Variants in IGF2BP3 observed in about 807,000 individuals in gnomAD.
IGF2BP3 encodes the protein insulin-like growth factor 2 mRNA-binding protein 3.
A neutral mutation model predicts 73.8 loss-of-function variants in IGF2BP3; 9 were observed. The observed-to-expected ratio is 0.12, with a 90% CI of 0.07 to 0.21. IGF2BP3 has a LOEUF of 0.21. IGF2BP3 is among the 10% of genes least tolerant of loss of function. IGF2BP3 has a pLI of 1.00. For synonymous variants in IGF2BP3, 258 were observed against 256.7 expected, an observed-to-expected ratio of 1.01 and a Z score of -0.05; for missense variants, 542 against 714.0, an observed-to-expected ratio of 0.76 and a Z score of 2.75.
chr7:23,364,195 G>A (rs547513775), intron 3 of IGF2BP3, among the ~76,000 whole-genome samples: 1 of 152,144 alleles, frequency 6.6e-6, no homozygotes, highest in African/African-American at 2.4e-5. Context: ...TCAACATGGT[G>A]AAGCCCCGTC....
intron 10 of IGF2BP3, among the ~76,000 whole-genome samples, chr7:23,337,162 C>T (rs1016612129): frequency 2.0e-5 from 3 of 151,826 alleles, no homozygotes; most frequent in Admixed American, 6.6e-5. Context: ...CTTGCAACCA[C>T]CCCCCACCCC....
chr7:23,441,460 C>A (rs551724917), intron 2 of IGF2BP3, among the ~76,000 whole-genome samples: 1 of 151,436 alleles, frequency 6.6e-6, no homozygotes, highest in South Asian at 2.1e-4. Flanking sequence ...GTAGTTCCAG[C>A]TACTTGGGAG....
At chr7:23,366,079 T>C (rs1040132779) in intron 3 of IGF2BP3, 2 of 152,128 alleles carry the variant, frequency 1.3e-5, no homozygotes, top group Non-Finnish European at 2.9e-5. Flanking sequence ...AAATTGCCTG[T>C]ATAGTTAAAT....
chr7:23,437,343 C>T lies in IGF2BP3; in HGVS notation c.237-18519G>A, dbSNP rs553288928. 2.1e-3 allele frequency among the ~76,000 whole-genome samples: 323 copies of T among 151,556 alleles called. 1 individual carries two copies. Among genetic ancestry groups the T allele is most frequent in the Non-Finnish European group, 1.7e-3 (114 of 67,932 alleles). ...ACTAAAAACACCAAAAGTAGCCAGG[C>T]ATGGTGGCAGGCACCTGTAATCCCA... On this transcript the variant is annotated intron_variant, in intron 2 of 14. Coordinates refer to ENST00000258729, the MANE Select transcript of IGF2BP3 (RefSeq NM_006547.3).
intron 2 of IGF2BP3, among the ~76,000 whole-genome samples, chr7:23,438,294 C>G (rs899170272): frequency 6.6e-6 from 1 of 151,996 alleles, no homozygotes; most frequent in Admixed American, 6.6e-5. Context: ...TTGTATTTTT[C>G]GTAAAGACGA....
At chr7:23,430,598 T>TA (rs1490472884) in intron 2 of IGF2BP3, among the ~76,000 whole-genome samples, 1 of 152,222 alleles carries the variant, frequency 6.6e-6, no homozygotes, top group Non-Finnish European at 1.5e-5. Flanking sequence ...GGCTATACTG[T>TA]AATTACACCT....
rs1253243327 is a variant in IGF2BP3, at chr7:23,456,490, A to C, written c.236+11992T>G. On this transcript the variant is annotated intron_variant, in intron 2 of 14. Coordinates refer to ENST00000258729, the MANE Select transcript of IGF2BP3 (RefSeq NM_006547.3). ...CAAAATTTAAGGTGCTAAGTACGGG[A>C]GAGCATGAGTCCTAGACATCTTAGC... Among the ~76,000 whole-genome samples the C allele has an allele frequency of 2.0e-5, 3 of 152,256 alleles. No individual in the cohort carries two copies. In the East Asian group the frequency reaches 5.8e-4, roughly 29 times the overall value.
At chr7:23,354,414 A>G (rs1785041558) in intron 5 of IGF2BP3, among the ~76,000 whole-genome samples, 1 of 152,266 alleles carries the variant, frequency 6.6e-6, no homozygotes, top group East Asian at 1.9e-4. Flanking sequence ...AGGCTTTTTC[A>G]TTATAAATGG....
Position 23,425,228 on chromosome 7 carries a change from T to C in IGF2BP3, c.237-6404A>G, listed in dbSNP as rs549451299. Among the ~76,000 whole-genome samples, 18 of 152,362 alleles carry C rather than the reference T, an allele frequency of 1.2e-4. No individual in the cohort carries two copies. The East Asian group carries it at 2.9e-3, about 24-fold the overall frequency. ...ATGCTGATATATAATCTTAGGTCTA[T>C]TTAATACAAGAGTTTCCCCTCACTG... On this transcript the variant is annotated intron_variant, in intron 2 of 14. Coordinates refer to ENST00000258729, the MANE Select transcript of IGF2BP3 (RefSeq NM_006547.3).
At chr7:23,317,831 A>G in intron 11 of IGF2BP3, 118 bp from the exon 12 acceptor site, 1 of 812,032 alleles carries the variant, frequency 1.2e-6, no homozygotes, top group Admixed American at 2.0e-5. Context: ...AGCCTTCGTG[A>G]AGGAAATTAG....
intron 2 of IGF2BP3, among the ~76,000 whole-genome samples, chr7:23,444,509 A>G (rs1788010701): frequency 6.6e-6 from 1 of 151,992 alleles, no homozygotes; most frequent in African/African-American, 2.4e-5. Flanking sequence ...GGGAGGCCAA[A>G]GCAAATGGAT....
chr7:23,418,059 AT>A (rs1178330065), intron 3 of IGF2BP3, among the ~76,000 whole-genome samples: 1 of 152,178 alleles, frequency 6.6e-6, no homozygotes, highest in African/African-American at 2.4e-5. Flanking sequence ...TTAGTGACTC[AT>A]CAAATGTCAT....
intron 2 of IGF2BP3, among the ~76,000 whole-genome samples, chr7:23,450,260 A>C (rs1394005257): frequency 1.3e-5 from 2 of 152,240 alleles, no homozygotes; most frequent in East Asian, 3.8e-4. Flanking sequence ...GGTTGTCTGC[A>C]CAAAAAGCAC....
intron 3 of IGF2BP3, among the ~76,000 whole-genome samples, chr7:23,403,103 A>C (rs1786717060): frequency 6.6e-6 from 1 of 152,192 alleles, no homozygotes; most frequent in African/African-American, 2.4e-5. Flanking sequence ...TGACCCTATA[A>C]CCTGACAAAA....
intron 2 of IGF2BP3, among the ~76,000 whole-genome samples, chr7:23,437,576 C>G (rs1787835480): frequency 6.6e-6 from 1 of 152,098 alleles, no homozygotes; most frequent in African/African-American, 2.4e-5. Context: ...TAAGACAATT[C>G]TGCACAATTC....
At chr7:23,375,753 C>T (rs767462492) in intron 3 of IGF2BP3, among the ~76,000 whole-genome samples, 13 of 152,056 alleles carry the variant, frequency 8.5e-5, no homozygotes, top group Non-Finnish European at 1.5e-4. Flanking sequence ...GGCATTTTAC[C>T]CACTACCCCT....
chr7:23,440,098 C>A (rs1202129140), intron 2 of IGF2BP3, among the ~76,000 whole-genome samples: 1 of 152,042 alleles, frequency 6.6e-6, no homozygotes, highest in African/African-American at 2.4e-5. Flanking sequence ...CCCGTCTCTA[C>A]TAAAAATACA....
chr7:23,377,523 T>C (rs1213004429), intron 3 of IGF2BP3, among the ~76,000 whole-genome samples: 1 of 152,226 alleles, frequency 6.6e-6, no homozygotes, highest in African/African-American at 2.4e-5. Context: ...TCAGACATCG[T>C]TGGTGGGAAT....
intron 10 of IGF2BP3, among the ~76,000 whole-genome samples, chr7:23,336,739 G>A (rs1022448746): frequency 6.6e-6 from 1 of 152,174 alleles, no homozygotes; most frequent in Non-Finnish European, 1.5e-5. Flanking sequence ...CTTGAGGTCA[G>A]GAATTCGAGA....
Sources: allele counts gnomAD v4.1 joint callset (sites outside exome capture counted in the v4.1 genomes callset), GRCh38; gene constraint gnomAD v4.1.1; transcripts MANE v1.5; gene names NCBI Gene and HGNC (gene_info 2026-07-23, HGNC 2026-07-21).